The following DNAH1 variants were observed in gnomAD, a reference collection of about 807,000 sequenced individuals.
DNAH1 encodes the protein axonemal beta dynein heavy chain 1.
DNAH1 carries 327 observed loss-of-function variants against 484.3 expected under a neutral mutation model. The ratio of observed to expected loss-of-function variants is 0.68; its 90% CI spans 0.62 to 0.74. The LOEUF is 0.74. Ranked by LOEUF, DNAH1 falls within the 30% of genes least tolerant of loss-of-function variation. DNAH1 has a pLI of 0.00. For synonymous variants in DNAH1, 2,192 were observed against 2,191.9 expected (o/e 1.00, Z 0.00); for missense variants, 5,052 against 5,546.8 (o/e 0.91, Z 2.83).
chr3:52,388,542 T>C lies in DNAH1; in HGVS notation c.9296T>C (p.Ile3099Thr). The change falls in exon 58 of 78, where the codon ATT (isoleucine) becomes ACT (threonine). Residue 3099 changes from isoleucine (I) to threonine (T), a missense_variant. Physicochemically the swap from Ile to Thr is moderately conservative, Grantham distance 89. This residue lies in a region of DNAH1 where 2,929 missense variants were observed against 3,409.4 expected (regional missense o/e 0.86). Transcript: ENST00000420323. ...ATMQAKYRECITKKEELELKC... is the reference protein window; with the variant it reads ...ATMQAKYRECTTKKEELELKC... The stretch of plus-strand genomic sequence containing the variant: ...ATGCAGGCTAAGTACCGGGAATGCA[T>C]TACCAAGAAGGAGGAGCTGGAGCTG... 9 of 1,613,076 alleles carry C rather than the reference T, an allele frequency of 5.6e-6. No individual in the cohort carries two copies. Among genetic ancestry groups the C allele is most frequent in the Non-Finnish European group, 7.6e-6 (9 of 1,179,614 alleles).
intron 36 of DNAH1, among the ~76,000 whole-genome samples, chr3:52,367,477 T>TC (rs963377058): frequency 6.6e-6 from 1 of 151,770 alleles, no homozygotes; most frequent in Non-Finnish European, 1.5e-5. Context: ...GTGAAGATTC[T>TC]CCCCCATATC....
Position 52,396,719 on chromosome 3 carries a change from G to A in DNAH1, c.11532G>A (p.Glu3844=). The A allele has an allele frequency of 2.5e-6, 4 of 1,613,810 alleles. No homozygotes were observed. Among genetic ancestry groups the A allele is most frequent in the Non-Finnish European group, 3.4e-6 (4 of 1,179,880 alleles). ...FGPLGFNIPY[E]FTDGDLRICI... is the part of the protein sequence containing the mutation. ...CCCTGGGCTTCAACATCCCCTATGA[G>A]TTCACGGATGGAGATCTGCGCATCT... is the stretch of plus-strand genomic sequence containing the variant. The change falls in exon 72 of 78, where the codon GAG becomes GAA. Residue 3844 remains glutamate, a synonymous_variant. Transcript: ENST00000420323.
In DNAH1 at chr3:52,349,593, G is replaced by C. The variant is rs148064922; in HGVS notation, c.2526+173G>C. On this transcript the variant is annotated intron_variant, in intron 14 of 77. Coordinates refer to ENST00000420323, the MANE Select transcript of DNAH1 (RefSeq NM_015512.5). ...CCTGCCCCATCCCTGCCTGTCTGCA[G>C]AGAGCTGTCCTGTATGGGAGGTCCC... Among the ~76,000 whole-genome samples, 376 of 152,348 alleles carry C rather than the reference G, an allele frequency of 2.5e-3. 1 individual carries two copies. The highest frequency in any genetic ancestry group is 8.6e-3 in the African/African-American group (359 of 41,586).
chr3:52,349,356 G>T lies in DNAH1; in HGVS notation c.2462G>T (p.Arg821Leu). 4 of 1,613,994 alleles carry T rather than the reference G, an allele frequency of 2.5e-6. No homozygotes were observed. The highest frequency in any genetic ancestry group is 8.5e-7 in the Non-Finnish European group (1 of 1,179,894). ...GTCAAGCAGAGCCTGTCCAAGAAACGCAAGGCCCTGGCCACTTCCGTGCTG... is the reference window on the plus strand; with the variant it reads ...GTCAAGCAGAGCCTGTCCAAGAAACTCAAGGCCCTGGCCACTTCCGTGCTG... ...DNVKQSLSKKRKALATSVLDI... is the reference protein window; with the variant it reads ...DNVKQSLSKKLKALATSVLDI... Residue 821 changes from arginine (R) to leucine (L), a missense_variant, in exon 14 of 78, where the codon CGC (arginine) becomes CTC (leucine). By Grantham distance (102) the Arg-to-Leu change is moderately radical. Around this residue, in one of 4 missense-constraint regions of DNAH1, gnomAD observed 1,263 missense variants for 1,218.8 expected, o/e 1.04. Transcript: ENST00000420323.
upstream of DNAH1, among the ~76,000 whole-genome samples, chr3:52,315,172 G>GC (rs940000692): frequency 8.0e-4 from 122 of 152,148 alleles, no homozygotes; most frequent in African/African-American, 2.8e-3. Context: ...GACACCCCCC[G>GC]CCCCCGATGC....
Position 52,398,095 on chromosome 3 carries a change from G to C in DNAH1, c.12022G>C (p.Val4008Leu), listed in dbSNP as rs1181622280. The C allele has an allele frequency of 6.2e-7, 1 of 1,613,768 alleles. No homozygotes were observed. Among genetic ancestry groups the C allele is most frequent in the Non-Finnish European group, 8.5e-7 (1 of 1,179,888 alleles). Residue 4008 changes from valine to leucine, a missense_variant, in exon 75 of 78, where the codon GTG (valine) becomes CTG (leucine). Coordinates refer to ENST00000420323, the MANE Select transcript of DNAH1 (RefSeq NM_015512.5). The stretch of plus-strand genomic sequence containing the variant: ...GCCTGAGCCTATCAACTTGCAATGG[G>C]TGATGGCCAAGTACCCAGTGCTGTA... ...KVPEPINLQW[V>L]MAKYPVLYEE...
At chr3:52,383,710 T>A in intron 51 of DNAH1, 116 bp downstream of exon 51, 1 of 1,404,734 alleles carries the variant, frequency 7.1e-7, no homozygotes, top group South Asian at 1.5e-5. Context: ...GACGCGGCCC[T>A]GGGCCTGGCC....
rs772693743 is a variant in DNAH1, at chr3:52,346,788, G to A, written c.1955+18G>A. On this transcript the variant is annotated intron_variant, in intron 11 of 77. Coordinates refer to ENST00000420323, the MANE Select transcript of DNAH1 (RefSeq NM_015512.5). Reference sequence around the variant, plus strand: ...CCCTACAGGTGGGGCCCGGCGGGGCGGAGGCACCTGTTGACACCAGGTGAT... The same window carrying A: ...CCCTACAGGTGGGGCCCGGCGGGGCAGAGGCACCTGTTGACACCAGGTGAT... 39 of 1,592,910 alleles carry A rather than the reference G, an allele frequency of 2.4e-5. 1 individual carries two copies. The South Asian group carries it at 3.3e-4, about 13-fold the overall frequency.
At chr3:52,344,757 CA>C in intron 9 of DNAH1, 110 bp downstream of exon 9, 2 of 1,219,748 alleles carry the variant, frequency 1.6e-6, no homozygotes, top group Non-Finnish European at 2.3e-6. Context: ...GTCATCAGCC[CA>C]ACACTCCCTG....
chr3:52,390,968 G>C lies in DNAH1; in HGVS notation c.9655G>C (p.Glu3219Gln). ...CCTCCCCAACGACACACTGTCAGTGGAGAACGGGGTCATCAACCAGTTTTC... is the reference window on the plus strand; with the variant it reads ...CCTCCCCAACGACACACTGTCAGTGCAGAACGGGGTCATCAACCAGTTTTC... ...AGLPNDTLSV[E>Q]NGVINQFSQR... is the part of the protein sequence containing the mutation. The change falls in exon 61 of 78, where the codon GAG becomes CAG. Residue 3219 changes from glutamate (E) to glutamine (Q), a missense_variant. Physicochemically the swap from Glu to Gln is conservative, Grantham distance 29. Around this residue, in one of 4 missense-constraint regions of DNAH1, gnomAD observed 2,929 missense variants for 3,409.4 expected, o/e 0.86. Transcript: ENST00000420323. The C allele has an allele frequency of 1.9e-6, 3 of 1,552,382 alleles. No homozygotes were observed. The highest frequency in any genetic ancestry group is 2.6e-6 in the Non-Finnish European group (3 of 1,147,322).
chr3:52,364,161 A>G lies in DNAH1; in HGVS notation c.5245-477A>G, dbSNP rs1445207820. ...ATGGGGCAGAATGATTAATTTAACT[A>G]TTTCCAACTCACTTACTGTGTAATG... On this transcript the variant is annotated intron_variant, in intron 32 of 77. Transcript: ENST00000420323. The surrounding 1 kb of genome is among the most constrained non-coding windows in gnomAD (Gnocchi z 4.2). Among the ~76,000 whole-genome samples, 5 of 152,180 alleles carry G rather than the reference A, an allele frequency of 3.3e-5. No homozygotes were observed. The highest frequency in any genetic ancestry group is 1.2e-4 in the African/African-American group (5 of 41,460).
At chr3:52,400,222 C>G (rs1241562632) in intron 77 of DNAH1, 103 bp from the exon 78 acceptor site, 2 of 1,513,216 alleles carry the variant, frequency 1.3e-6, no homozygotes, top group Non-Finnish European at 1.8e-6. Flanking sequence ...TCAGGGCCCC[C>G]TCCCTGTCCT....
rs142935638 is a variant in DNAH1 at position 52,345,640 on chromosome 3, C to T, written c.1590C>T (p.His530=). 1.2e-3 allele frequency: 1,913 copies of T among 1,611,676 alleles called. 27 individuals carry two copies. The highest frequency in any genetic ancestry group is 0.012 in the South Asian group (1,051 of 90,514). The change falls in exon 10 of 78, where the codon CAC becomes CAT. Residue 530 remains histidine, a synonymous_variant. Transcript: ENST00000420323. ...AGGTGACCGCCATGTCCCTGTTCCACTCGAGCCTCTCCAAGTACAGCCACC... is the reference window on the plus strand; with the variant it reads ...AGGTGACCGCCATGTCCCTGTTCCATTCGAGCCTCTCCAAGTACAGCCACC... ...CNKVTAMSLF[H]SSLSKYSHLE...
At position 52,323,791 on chromosome 3, in the gene DNAH1, C is replaced by A; in HGVS notation, c.334-17C>A. 1.3e-6 allele frequency: 2 copies of A among 1,583,598 alleles called. No homozygotes were observed. Among genetic ancestry groups the A allele is most frequent in the East Asian group, 2.3e-5 (1 of 43,204 alleles). On this transcript the variant is annotated splice_polypyrimidine_tract_variant and intron_variant, in intron 2 of 77. Transcript: ENST00000420323. ...GGGAGGTTGACACATACTCAGGGCT[C>A]CATGGTTTGGTTTCAGGAGGTATGT...
chr3:52,352,866 C>T (rs985054918), intron 18 of DNAH1, among the ~76,000 whole-genome samples, 159 bp downstream of exon 18: 19 of 152,104 alleles, frequency 1.2e-4, no homozygotes, highest in African/African-American at 4.3e-4. Context: ...GTTGAGGAGG[C>T]CCCTAGTACA....
upstream of DNAH1, among the ~76,000 whole-genome samples, chr3:52,314,826 C>G (rs1306616956): frequency 6.6e-6 from 1 of 152,130 alleles, no homozygotes; most frequent in African/African-American, 2.4e-5. Flanking sequence ...AGGGAAGAGG[C>G]TCCGGCAGGG....
rs1035073613 is a variant in DNAH1, at chr3:52,380,219, A to T, written c.7608+84A>T. The T allele has an allele frequency of 3.3e-6, 4 of 1,197,480 alleles. No individual in the cohort carries two copies. The African/African-American group carries it at 6.1e-5, about 18-fold the overall frequency. The allele number at this position is 1,197,480 out of a possible 1,614,324, so 74.2% of individuals were successfully genotyped here. A position where few individuals can be genotyped will look rare whatever the true frequency, so the allele number is the denominator to read the frequency against. On this transcript the variant is annotated intron_variant, in intron 48 of 77. Transcript: ENST00000420323. Reference sequence around the variant, plus strand: ...GGGGCCCAGGCCCCCTGCAGTCACCACTAACAGACTACCACACTATAACCA... The same window carrying T: ...GGGGCCCAGGCCCCCTGCAGTCACCTCTAACAGACTACCACACTATAACCA...
At position 52,380,077 on chromosome 3, in the gene DNAH1, A is replaced by C. The variant is rs1284316514; in HGVS notation, c.7550A>C (p.Asp2517Ala). The C allele has an allele frequency of 3.7e-6, 6 of 1,605,432 alleles. No individual in the cohort carries two copies. Among genetic ancestry groups the C allele is most frequent in the Non-Finnish European group, 5.1e-6 (6 of 1,176,040 alleles). ...VCPFQPILYG[D>A]FMSPGSDVKS... Reference sequence around the variant, plus strand: ...CCCTTCCAGCCCATTCTTTACGGGGACTTCATGTCACCAGGCTCCGATGTC... The same window carrying C: ...CCCTTCCAGCCCATTCTTTACGGGGCCTTCATGTCACCAGGCTCCGATGTC... Residue 2517 changes from aspartate (D) to alanine (A), a missense_variant, in exon 48 of 78, where the codon GAC (aspartate) becomes GCC (alanine). Physicochemically the swap from Asp to Ala is moderately radical, Grantham distance 126 (BLOSUM62 -2). This residue lies in a region of DNAH1 where 2,929 missense variants were observed against 3,409.4 expected (regional missense o/e 0.86). Coordinates refer to ENST00000420323, the MANE Select transcript of DNAH1 (RefSeq NM_015512.5).
chr3:52,383,647 A>G lies in DNAH1; in HGVS notation c.8150+53A>G, dbSNP rs988973824. The G allele has an allele frequency of 5.3e-6, 8 of 1,496,566 alleles. No homozygotes were observed. In the South Asian group the frequency reaches 9.1e-5, roughly 17 times the overall value. The allele number at this position is 1,496,566 out of a possible 1,614,324, so 92.7% of individuals were successfully genotyped here. A position where few individuals can be genotyped will look rare whatever the true frequency, so the allele number is the denominator to read the frequency against. On this transcript the variant is annotated intron_variant, in intron 51 of 77. Coordinates refer to ENST00000420323, the MANE Select transcript of DNAH1 (RefSeq NM_015512.5). ...TGGGGCAGCGGAGCTGGGTGTGTAC[A>G]TGGGCTGGCCCCGGGGACACTGGAT... is the stretch of plus-strand genomic sequence containing the variant.
Sources: gnomAD v4.1 joint callset for allele counts (sites outside exome capture counted in the v4.1 genomes callset) on GRCh38, gnomAD v4.1.1 for gene constraint, gnomAD v4.1.1 regional missense constraint, Gnocchi (gnomAD v3.1) non-coding constraint, MANE v1.5 for transcripts, NCBI Gene and HGNC (gene_info 2026-07-23, HGNC 2026-07-21) for gene names.